Variants in POLA1 observed in about 807,000 individuals in gnomAD.
POLA1 encodes the protein DNA polymerase alpha catalytic subunit.
In POLA1, 15 loss-of-function variants were observed where a neutral mutation model predicts 124.0. The ratio of observed to expected loss-of-function variants is 0.12; its 90% CI spans 0.08 to 0.19. The LOEUF is 0.19. POLA1 is among the 10% of genes least tolerant of loss of function. The pLI is 1.00. For synonymous variants in POLA1, 408 were observed against 389.4 expected (o/e 1.05, Z -0.56); for missense variants, 886 against 1,103.4 (o/e 0.80, Z 2.79).
At chrX:24,750,545 C>T (rs1602331591) in intron 26 of POLA1, among the ~76,000 whole-genome samples, 1 of 112,414 alleles carries the variant, frequency 8.9e-6, no homozygotes, top group East Asian at 2.8e-4. Flanking sequence ...TGTTGGCAGC[C>T]GTATCTCAAA....
At chrX:24,819,820 C>T (rs768551558) in intron 30 of POLA1, among the ~76,000 whole-genome samples, 6 of 110,812 alleles carry the variant, frequency 5.4e-5, no homozygotes, top group South Asian at 7.8e-4. Flanking sequence ...CCTACTTCCC[C>T]GGCAGACCCC....
chrX:24,980,799 G>A (rs2147287787), intron 36 of POLA1, among the ~76,000 whole-genome samples: 1 of 111,689 alleles, frequency 9.0e-6, no homozygotes, highest in South Asian at 3.8e-4. Context: ...GCAGAACACT[G>A]CTTTAAATAA....
chrX:24,704,314 T>C (rs368100388), intron 3 of POLA1, 75 bp from the exon 4 acceptor site: 41 of 737,018 alleles, frequency 5.6e-5, no homozygotes, highest in East Asian at 4.8e-4. Flanking sequence ...GTATAAAAGG[T>C]TTTTTTGGTC....
chrX:24,726,923 C>A lies in POLA1; in HGVS notation c.1393-10C>A. The stretch of plus-strand genomic sequence containing the variant: ...AAACAAAAAGATTCTTTTTTTTTTT[C>A]CTTTTTCAGGCTGAAATGCCACAGC... On this transcript the variant is annotated splice_polypyrimidine_tract_variant and intron_variant, in intron 13 of 36. Coordinates refer to ENST00000379068, the MANE Select transcript of POLA1 (RefSeq NM_001330360.2). 2.7e-6 allele frequency: 3 copies of A among 1,106,362 alleles called. No homozygotes were observed. The highest frequency in any genetic ancestry group is 3.2e-5 in the East Asian group (1 of 31,261). 91.2% of individuals were successfully genotyped at this position (1,106,362 alleles called of 1,213,427 possible).
intron 32 of POLA1, among the ~76,000 whole-genome samples, chrX:24,834,111 G>GA (rs34596461): frequency 4.3e-4 from 31 of 71,403 alleles, no homozygotes; most frequent in South Asian, 8.3e-4. Flanking sequence ...GTCTCAGAAA[G>GA]AAAAAAAAAA....
At chrX:24,814,590 TTG>T (rs2045960946) in intron 29 of POLA1, among the ~76,000 whole-genome samples, 1 of 112,214 alleles carries the variant, frequency 8.9e-6, no homozygotes, top group Non-Finnish European at 1.9e-5. Flanking sequence ...TCTTGGTGCT[TTG>T]TGAGGAAAGT....
intron 15 of POLA1, 82 bp downstream of exon 15, chrX:24,728,018 AGTT>A: frequency 1.3e-6 from 1 of 792,662 alleles, no homozygotes; most frequent in Non-Finnish European, 1.8e-6. Flanking sequence ...TTTAAGAGAA[AGTT>A]GTTCTTTTTG....
At chrX:24,866,623 T>G (rs1455124912) in intron 34 of POLA1, among the ~76,000 whole-genome samples, 1 of 112,200 alleles carries the variant, frequency 8.9e-6, no homozygotes, top group Non-Finnish European at 1.9e-5. Flanking sequence ...TTTGAAATGT[T>G]TCTAGTTTAT....
At chrX:24,822,431 A>C (rs1441289286) in intron 31 of POLA1, among the ~76,000 whole-genome samples, 3 of 112,881 alleles carry the variant, frequency 2.7e-5, no homozygotes, top group African/African-American at 9.6e-5. Flanking sequence ...ACAGTAAAAA[A>C]ATGTTTTACA....
At chrX:24,793,049 G>T (rs754112056) in intron 26 of POLA1, among the ~76,000 whole-genome samples, 1 of 110,107 alleles carries the variant, frequency 9.1e-6, no homozygotes, top group East Asian at 2.8e-4. Context: ...GGCCGAGGTG[G>T]GTGGATCACC....
At chrX:24,861,056 G>A (rs995732763) in intron 34 of POLA1, among the ~76,000 whole-genome samples, 1 of 112,580 alleles carries the variant, frequency 8.9e-6, no homozygotes, top group African/African-American at 3.2e-5. Context: ...TCTTCTTGAT[G>A]TAAAACCCCT....
chrX:24,805,052 A>G (rs1214072267), intron 26 of POLA1, among the ~76,000 whole-genome samples: 1 of 110,973 alleles, frequency 9.0e-6, no homozygotes, highest in Non-Finnish European at 1.9e-5. Context: ...AGTTCCCACT[A>G]CCCTTTTCCA....
chrX:24,805,112 A>G (rs956181462), intron 26 of POLA1, among the ~76,000 whole-genome samples: 1 of 111,009 alleles, frequency 9.0e-6, no homozygotes, highest in African/African-American at 3.3e-5. Flanking sequence ...TATTATTTTA[A>G]TTATTGCTCT....
intron 36 of POLA1, among the ~76,000 whole-genome samples, chrX:24,938,374 C>CTG (rs1393059144): frequency 1.8e-5 from 2 of 111,617 alleles, no homozygotes; most frequent in African/African-American, 6.5e-5. Flanking sequence ...CGAGATCGCA[C>CTG]CATAGCACTC....
At chrX:24,973,254 G>C (rs751470901) in intron 36 of POLA1, among the ~76,000 whole-genome samples, 1 of 111,318 alleles carries the variant, frequency 9.0e-6, no homozygotes, top group South Asian at 3.8e-4. Flanking sequence ...GCTACTACTT[G>C]GGAGGCTGAG....
rs1378567931 is a variant in POLA1, at chrX:24,821,483, A to T, written c.3461A>T (p.Asp1154Val). 8.3e-7 allele frequency: 1 copy of T among 1,205,667 alleles called. No homozygotes were observed. ...ALTKDPQDYP[D>V]KKSLPHVHVA... Reference sequence around the variant, plus strand: ...ACAAAGGATCCCCAGGATTACCCTGATAAAAAAAGCCTACCTCATGTACAT... The same window carrying T: ...ACAAAGGATCCCCAGGATTACCCTGTTAAAAAAAGCCTACCTCATGTACAT... Residue 1154 changes from aspartate (D) to valine (V), a missense_variant, in exon 31 of 37, where the codon GAT becomes GTT. Asp to Val is a radical substitution (Grantham distance 152). Coordinates refer to ENST00000379068, the MANE Select transcript of POLA1 (RefSeq NM_001330360.2).
Position 24,947,246 on chromosome X carries a change from C to CTT in POLA1, c.4261+16735_4261+16736dup, listed in dbSNP as rs764618354. On this transcript the variant is annotated intron_variant, in intron 36 of 36. Coordinates refer to ENST00000379068, the MANE Select transcript of POLA1 (RefSeq NM_001330360.2). ...CAGCTGGTTGTTTTCCCTGCAGATT[C>CTT]TTTTTTTTTTTTTTTTTTTTTTTTT... is the stretch of plus-strand genomic sequence containing the variant. 1.3e-3 allele frequency among the ~76,000 whole-genome samples: 29 copies of CTT among 21,622 alleles called. 10 individuals carry two copies. Among genetic ancestry groups the CTT allele is most frequent in the Admixed American group, 1.8e-3 (2 of 1,106 alleles). The allele number at this position is 21,622 out of a possible 115,157, so 18.8% of individuals were successfully genotyped here. A position where few individuals can be genotyped will look rare whatever the true frequency, so the allele number is the denominator to read the frequency against.
In POLA1 at chrX:24,947,552, GGAGCCACCGCATC is replaced by G. The variant is rs763373487; in HGVS notation, c.4261+17004_4261+17016del. On this transcript the variant is annotated intron_variant, in intron 36 of 36. Coordinates refer to ENST00000379068, the MANE Select transcript of POLA1 (RefSeq NM_001330360.2). ...TCCCAAAGTGTTGGGATTACAGGCA[GGAGCCACCGCATC>G]CAGCCACCTGCAGATTTTTCTAGTG... Among the ~76,000 whole-genome samples the G allele has an allele frequency of 4.5e-5, 5 of 110,975 alleles. No individual in the cohort carries two copies. In the South Asian group the frequency reaches 1.9e-3, roughly 43 times the overall value.
intron 35 of POLA1, among the ~76,000 whole-genome samples, chrX:24,908,062 A>G (rs2047392554): frequency 1.8e-5 from 2 of 111,118 alleles, no homozygotes; most frequent in African/African-American, 6.5e-5. Flanking sequence ...TAGCTAAATT[A>G]TAATAAAATT....
Sources: gnomAD v4.1 joint callset for allele counts (sites outside exome capture counted in the v4.1 genomes callset) on GRCh38, gnomAD v4.1.1 for gene constraint, MANE v1.5 for transcripts, NCBI Gene and HGNC (gene_info 2026-07-23, HGNC 2026-07-21) for gene names.